Variants in NWD1 observed in about 807,000 individuals in gnomAD.
NWD1 encodes the protein NACHT domain- and WD repeat-containing protein 1.
Under a neutral mutation model 135.1 loss-of-function variants are expected in NWD1, and 129 were observed. The ratio of observed to expected loss-of-function variants is 0.96; its 90% CI spans 0.83 to 1.11. The LOEUF (loss-of-function observed/expected upper bound fraction) is 1.11. Among genes scored for constraint, NWD1 ranks in the 50% least tolerant of loss-of-function variants. The pLI is 0.00. For missense variants in NWD1, 1,740 were observed against 1,851.3 expected (o/e 0.94, Z 1.10); for synonymous variants, 773 against 786.0 (o/e 0.98, Z 0.28).
At chr19:16,734,610 T>C (rs1337680378) in intron 3 of NWD1, among the ~76,000 whole-genome samples, 1 of 150,814 alleles carries the variant, frequency 6.6e-6, no homozygotes, top group Non-Finnish European at 1.5e-5. Flanking sequence ...AGGGTGTCGC[T>C]CTGTCACCCA....
chr19:16,800,027 G>C lies in NWD1; in HGVS notation c.3601G>C (p.Asp1201His). The C allele has an allele frequency of 1.2e-6, 2 of 1,614,212 alleles. No homozygotes were observed. The highest frequency in any genetic ancestry group is 1.7e-6 in the Non-Finnish European group (2 of 1,180,038). ...ATCTTTCAAGGTCTGGGATCTCAGCGATGCTCATAGGTCCCGGGTGCCTGC... is the reference window on the plus strand; with the variant it reads ...ATCTTTCAAGGTCTGGGATCTCAGCCATGCTCATAGGTCCCGGGTGCCTGC... ...SSSFKVWDLS[D>H]AHRSRVPAPF... Residue 1201 changes from aspartate (D) to histidine (H), a missense_variant, in exon 17 of 19, where the codon GAT becomes CAT. Coordinates refer to ENST00000524140, the MANE Select transcript of NWD1 (RefSeq NM_001007525.5).
chr19:16,793,151 G>A (rs1970305021), intron 14 of NWD1, among the ~76,000 whole-genome samples: 1 of 152,098 alleles, frequency 6.6e-6, no homozygotes, highest in Admixed American at 6.6e-5. Flanking sequence ...GTCTTCATGA[G>A]TTCTCAAGGT....
chr19:16,755,335 C>T (rs975046373), intron 6 of NWD1, among the ~76,000 whole-genome samples: 5 of 152,090 alleles, frequency 3.3e-5, no homozygotes, highest in South Asian at 2.1e-4. Context: ...CCCATCTCAG[C>T]CCCCTCTGAG....
At chr19:16,750,642 T>G (rs1247837008) in intron 6 of NWD1, among the ~76,000 whole-genome samples, 3 of 151,166 alleles carry the variant, frequency 2.0e-5, no homozygotes, top group Non-Finnish European at 4.4e-5. Context: ...TTATTTTTAT[T>G]TTTATTTTTA....
At chr19:16,794,658 G>A (rs983508511) in intron 15 of NWD1, 105 bp downstream of exon 15, 6 of 786,818 alleles carry the variant, frequency 7.6e-6, no homozygotes, top group Non-Finnish European at 1.1e-5. Flanking sequence ...CCAGAGGTTA[G>A]CAACGTTTTC....
intron 6 of NWD1, among the ~76,000 whole-genome samples, chr19:16,751,239 A>T (rs1277797364): frequency 2.0e-5 from 3 of 151,728 alleles, no homozygotes; most frequent in Non-Finnish European, 4.4e-5. Flanking sequence ...AAAAAAAAAA[A>T]AATGCAATAA....
At chr19:16,812,730 G>A (rs773850596) in intron 18 of NWD1, 1 of 780,856 alleles carries the variant, frequency 1.3e-6, no homozygotes, top group Non-Finnish European at 2.4e-6. Flanking sequence ...AGATCATATT[G>A]TCTGTTTTCA....
At chr19:16,772,861 GAGA>G (rs1969463079) in intron 10 of NWD1, among the ~76,000 whole-genome samples, 1 of 151,712 alleles carries the variant, frequency 6.6e-6, no homozygotes. Context: ...GAGAGAGGGA[GAGA>G]AGAAGGGAGG....
In NWD1 at chr19:16,725,066, C is replaced by T. The variant is rs189682329; in HGVS notation, c.-7+603C>T. Among the ~76,000 whole-genome samples, 222 of 149,344 alleles carry T rather than the reference C, an allele frequency of 1.5e-3. 1 individual carries two copies. The highest frequency in any genetic ancestry group is 1.4e-3 in the Non-Finnish European group (92 of 67,498). On this transcript the variant is annotated intron_variant, in intron 2 of 18. Transcript: ENST00000524140. The stretch of plus-strand genomic sequence containing the variant: ...TCACTCTGTCGCCCAGGCTGGAGTG[C>T]AGTGGTATGATCTTGGCTCACTGCA...
intron 6 of NWD1, among the ~76,000 whole-genome samples, chr19:16,752,458 C>G (rs1275552593): frequency 1.3e-5 from 2 of 152,016 alleles, no homozygotes; most frequent in African/African-American, 4.8e-5. Context: ...GAGTTTGAGA[C>G]CAGCCTAGAC....
chr19:16,746,600 G>A (rs931405016), intron 5 of NWD1, among the ~76,000 whole-genome samples: 2 of 152,014 alleles, frequency 1.3e-5, no homozygotes, highest in African/African-American at 4.8e-5. Flanking sequence ...TTGAACCCGG[G>A]AGGCAGCGGT....
intron 2 of NWD1, among the ~76,000 whole-genome samples, chr19:16,730,118 T>C (rs1967497026): frequency 6.6e-6 from 1 of 150,976 alleles, no homozygotes. Context: ...GGTCAGGAGA[T>C]TGAAACCATC....
intron 2 of NWD1, among the ~76,000 whole-genome samples, chr19:16,730,002 A>T (rs1402381473): frequency 6.6e-6 from 1 of 151,924 alleles, no homozygotes; most frequent in African/African-American, 2.4e-5. Context: ...TTTCAATAGC[A>T]CTCTTCACAA....
At chr19:16,762,238 G>T in intron 8 of NWD1, 100 bp downstream of exon 8, 2 of 1,032,264 alleles carry the variant, frequency 1.9e-6, no homozygotes, top group South Asian at 1.5e-5. Flanking sequence ...ATGTCCTCCC[G>T]ACCTACTTCT....
In NWD1 at chr19:16,791,430, C is replaced by T. The variant is rs761403351; in HGVS notation, c.3021C>T (p.Ala1007=). ...CCTCTGATCCTTGGATGTGCATGGC[C>T]GTGCTGGCCTCCCAGGCCACACTGC... ...GDASDPWMCM[A]VLASQATLLT... Residue 1007 remains alanine (A), a synonymous_variant, in exon 14 of 19, where the codon GCC becomes GCT. Transcript: ENST00000524140. 2.7e-5 allele frequency: 43 copies of T among 1,614,074 alleles called. No individual in the cohort carries two copies. The highest frequency in any genetic ancestry group is 1.6e-4 in the East Asian group (7 of 44,876).
At chr19:16,774,336 C>T (rs1969524562) in intron 11 of NWD1, among the ~76,000 whole-genome samples, 1 of 151,644 alleles carries the variant, frequency 6.6e-6, no homozygotes, top group African/African-American at 2.4e-5. Context: ...CTCCATCCAT[C>T]CATCCATCCA....
chr19:16,799,824 A>G, intron 16 of NWD1, 62 bp from the exon 17 acceptor site: 1 of 1,484,548 alleles, frequency 6.7e-7, no homozygotes, highest in Non-Finnish European at 9.1e-7. Context: ...GCTGAAGCGT[A>G]TTTCTGAACT....
rs367589031 is a variant in NWD1 at position 16,735,520 on chromosome 19, AAAAG to A, written c.82-1094_82-1091del. Among the ~76,000 whole-genome samples the A allele has an allele frequency of 1.2e-3, 189 of 151,444 alleles. 4 individuals are homozygous for A. In the East Asian group the frequency reaches 0.029, roughly 23 times the overall value. On this transcript the variant is annotated intron_variant, in intron 3 of 18. Coordinates refer to ENST00000524140, the MANE Select transcript of NWD1 (RefSeq NM_001007525.5). ...GACTCTGTCCCCCTGACCAAAAAAA[AAAAG>A]AAAGAAAGAAAGAAAGAAATCAGTC... is the stretch of plus-strand genomic sequence containing the variant.
intron 10 of NWD1, among the ~76,000 whole-genome samples, chr19:16,766,950 ACCACC>A (rs1378994280): frequency 6.6e-6 from 1 of 152,118 alleles, no homozygotes; most frequent in Non-Finnish European, 1.5e-5. Context: ...TGCAGCTATC[ACCACC>A]ATTCATCTCC....
Sources: gnomAD v4.1 joint callset for allele counts (sites outside exome capture counted in the v4.1 genomes callset) on GRCh38, gnomAD v4.1.1 for gene constraint, MANE v1.5 for transcripts, NCBI Gene and HGNC (gene_info 2026-07-23, HGNC 2026-07-21) for gene names.